The following COXFA4 variants were observed in gnomAD, a reference collection of about 807,000 sequenced individuals.
The protein encoded by COXFA4 is cytochrome c oxidase subunit FA4.
the COXFA4 span, chr7:10,939,985 GAA>G: frequency 2.5e-6 from 4 of 1,613,352 alleles, no homozygotes; most frequent in Non-Finnish European, 3.4e-6. Flanking sequence ...AAGGACAAGG[GAA>G]AACATTAGGA....
the COXFA4 span, among the ~76,000 whole-genome samples, chr7:10,936,517 G>C: frequency 6.6e-6 from 1 of 152,118 alleles, no homozygotes; most frequent in Non-Finnish European, 1.5e-5. Context: ...CTCTGGAATG[G>C]ACTTAGTTTA....
the COXFA4 span, chr7:10,933,683 C>A: frequency 1.2e-6 from 2 of 1,608,128 alleles, no homozygotes; most frequent in Non-Finnish European, 1.7e-6. Context: ...TCCACATTCA[C>A]TGAGTAGAAC....
the COXFA4 span, among the ~76,000 whole-genome samples, chr7:10,937,164 C>T: frequency 6.6e-6 from 1 of 152,162 alleles, no homozygotes; most frequent in Non-Finnish European, 1.5e-5. Flanking sequence ...CAGCCAGTTA[C>T]TCTCTTTTGA....
the COXFA4 span, chr7:10,938,249 G>T: frequency 9.9e-7 from 1 of 1,006,996 alleles, no homozygotes. Flanking sequence ...TTTTCTATTA[G>T]ATGAGGTATG....
At chr7:10,933,591 T>C in the COXFA4 span, 2 of 1,509,418 alleles carry the variant, frequency 1.3e-6, no homozygotes, top group African/African-American at 1.4e-5. Flanking sequence ...ATGTGGCTTC[T>C]GGAAGACCTT....
At chr7:10,935,771 G>A in the COXFA4 span, among the ~76,000 whole-genome samples, 2 of 152,178 alleles carry the variant, frequency 1.3e-5, no homozygotes, top group African/African-American at 4.8e-5. Context: ...TAAGCCACCT[G>A]GTCTACAGTA....
the COXFA4 span, chr7:10,938,925 T>C: frequency 2.2e-5 from 34 of 1,542,442 alleles, no homozygotes; most frequent in Admixed American, 1.8e-4. Flanking sequence ...AGAATAACCA[T>C]CTTCAAATAC....
At chr7:10,937,181 G>A in the COXFA4 span, among the ~76,000 whole-genome samples, 1 of 152,138 alleles carries the variant, frequency 6.6e-6, no homozygotes, top group African/African-American at 2.4e-5. Flanking sequence ...TTGATGAAAT[G>A]GCTTGATATT....
At chr7:10,939,067 C>G in the COXFA4 span, 4 of 570,526 alleles carry the variant, frequency 7.0e-6, no homozygotes, top group Non-Finnish European at 6.3e-6. Flanking sequence ...TTTCTTATAA[C>G]TGTGTTCTAA....
the COXFA4 span, chr7:10,938,912 A>C: frequency 3.1e-6 from 5 of 1,589,354 alleles, no homozygotes; most frequent in Non-Finnish European, 4.3e-6. Context: ...CCAAACACAA[A>C]ATAGAATAAC....
chr7:10,939,740 A>G, the COXFA4 span: 1 of 508,798 alleles, frequency 2.0e-6, no homozygotes, highest in Non-Finnish European at 3.6e-6. Context: ...GAGAGCGGCC[A>G]CCAGACTGTT....
At chr7:10,940,123 A>G in the COXFA4 span, 1 of 1,481,190 alleles carries the variant, frequency 6.8e-7, no homozygotes, top group Non-Finnish European at 9.4e-7. Context: ...CTAAGCTAAA[A>G]ATTATCTGCA....
chr7:10,938,852 T>C, the COXFA4 span: 149 of 1,613,824 alleles, frequency 9.2e-5, no homozygotes, highest in Non-Finnish European at 1.2e-4. Flanking sequence ...GATACAGTGT[T>C]GCTCCAGTAG....
chr7:10,937,381 C>G, the COXFA4 span, among the ~76,000 whole-genome samples: 1 of 151,800 alleles, frequency 6.6e-6, no homozygotes, highest in African/African-American at 2.4e-5. Flanking sequence ...CTCCCAGGTT[C>G]AAGCGATTCT....
the COXFA4 span, chr7:10,939,043 A>T: frequency 1.6e-6 from 1 of 623,636 alleles, no homozygotes; most frequent in Non-Finnish European, 2.9e-6. Context: ...AGTAGATCTT[A>T]CATTGAGGTA....
the COXFA4 span, chr7:10,937,793 C>T: frequency 1.2e-5 from 4 of 324,482 alleles, no homozygotes; most frequent in Admixed American, 4.4e-5. Context: ...TGTGTTTCAA[C>T]AAGCTCTATG....
At chr7:10,938,401 T>A in the COXFA4 span, 2 of 495,654 alleles carry the variant, frequency 4.0e-6, no homozygotes, top group Non-Finnish European at 7.1e-6. Flanking sequence ...TCCATTTAAT[T>A]AATAAAGTGA....
At chr7:10,938,414 T>C in the COXFA4 span, 2 of 482,746 alleles carry the variant, frequency 4.1e-6, no homozygotes, top group East Asian at 3.4e-5. Flanking sequence ...TAAAGTGATA[T>C]ACAGAAAAGT....
the COXFA4 span, among the ~76,000 whole-genome samples, chr7:10,935,639 G>A: frequency 1.3e-5 from 2 of 152,130 alleles, no homozygotes; most frequent in Non-Finnish European, 2.9e-5. Context: ...TTACAGGAGG[G>A]CTCACTCCTC....
Sources: gnomAD v4.1 joint callset for allele counts (sites outside exome capture counted in the v4.1 genomes callset) on GRCh38, gnomAD v4.1.1 for gene constraint, MANE v1.5 for transcripts, NCBI Gene and HGNC (gene_info 2026-07-23, HGNC 2026-07-21) for gene names.